ULBP1: variants seen among roughly 807,000 people sequenced by gnomAD.
ULBP1 encodes UL16 binding protein 1.
Under a neutral mutation model 25.3 loss-of-function variants are expected in ULBP1, and 28 were observed. The observed-to-expected ratio is 1.10, with a 90% CI of 0.82 to 1.51. The LOEUF (loss-of-function observed/expected upper bound fraction) is 1.51. ULBP1 is among the 40% of genes most tolerant of loss of function. The pLI, the probability that ULBP1 is intolerant of heterozygous loss-of-function variation, is 0.00. For missense variants in ULBP1, 348 were observed against 290.9 expected (o/e 1.20, Z -1.43); for synonymous variants, 129 against 103.0 (o/e 1.25, Z -1.53).
In ULBP1 at chr6:149,970,045, C is replaced by T. The variant is rs530252244; in HGVS notation, c.655C>T (p.Gln219Ter). 6.8e-6 allele frequency: 11 copies of T among 1,613,508 alleles called. No individual in the cohort carries two copies. In the South Asian group the frequency reaches 1.2e-4, roughly 18 times the overall value. ...ACCCTCTCTGGCCCCAGGCACAACCCAACCCAAGGCCATGGCCACCACCCT... is the reference window on the plus strand; with the variant it reads ...ACCCTCTCTGGCCCCAGGCACAACCTAACCCAAGGCCATGGCCACCACCCT... Reference protein sequence around the residue: ...KPPSLAPGTTQPKAMATTLSP... With the variant: ...KPPSLAPGTT The change falls in exon 4 of 5, where the codon CAA (glutamine) becomes TAA (stop). Residue 219 changes from glutamine (Q) to a stop codon, truncating the protein, a stop_gained. Transcript: ENST00000229708. LOFTEE classifies it high-confidence loss of function.
chr6:149,965,978 C>A (rs1321669306), intron 1 of ULBP1, among the ~76,000 whole-genome samples: 1 of 151,902 alleles, frequency 6.6e-6, no homozygotes, highest in Non-Finnish European at 1.5e-5. Context: ...GCAGGGGGGA[C>A]GGGAAATCCC....
chr6:149,965,088 G>A (rs963994222), intron 1 of ULBP1, among the ~76,000 whole-genome samples: 2 of 147,592 alleles, frequency 1.4e-5, no homozygotes, highest in Non-Finnish European at 3.0e-5. Context: ...CGATCTCCCC[G>A]AATATCGCGG....
At chr6:149,967,617 G>GACC (rs1433096158) in intron 1 of ULBP1, among the ~76,000 whole-genome samples, 2 of 152,084 alleles carry the variant, frequency 1.3e-5, no homozygotes, top group African/African-American at 4.8e-5. Flanking sequence ...TTGGATCCTT[G>GACC]ACCCCTTTGT....
At chr6:149,964,363 T>A (rs1427971529) in intron 1 of ULBP1, among the ~76,000 whole-genome samples, 1 of 149,922 alleles carries the variant, frequency 6.7e-6, no homozygotes, top group Non-Finnish European at 1.5e-5. Context: ...TCCCCGAACA[T>A]CGTGATCTCC....
In ULBP1 at chr6:149,970,071, C is replaced by CA. The variant is rs377502850; in HGVS notation, c.682dup (p.Ser228LysfsTer23). ...AACCCAAGGCCATGGCCACCACCCT[C>CA]AGTCCCTGGAGCCTTCTCATCATCT... On this transcript the variant is annotated frameshift_variant, in exon 4 of 5. Transcript: ENST00000229708. LOFTEE classifies it high-confidence loss of function. 7.4e-4 allele frequency: 1,201 copies of CA among 1,613,526 alleles called. 4 individuals are homozygous for CA. In the African/African-American group the frequency reaches 0.014, roughly 18 times the overall value.
rs1322320559 is a variant in ULBP1, at chr6:149,973,047, T to C, written c.*1701T>C. ...CACCAATATGTTCATTACAGTGCTA[T>C]TCTCACCAGCAAGGACAGAGAATCA... On this transcript the variant is annotated 3_prime_UTR_variant, in exon 5 of 5. Coordinates refer to ENST00000229708, the MANE Select transcript of ULBP1 (RefSeq NM_025218.4). The C allele has an allele frequency of 6.6e-6, 1 of 152,228 alleles. No homozygotes were observed. Among genetic ancestry groups the C allele is most frequent in the Non-Finnish European group, 1.5e-5 (1 of 68,038 alleles). 9.4% of individuals were successfully genotyped at this position (152,228 alleles called of 1,614,324 possible). A position where few individuals can be genotyped will look rare whatever the true frequency, so the allele number is the denominator to read the frequency against.
Position 149,971,425 on chromosome 6 carries a change from C to T in ULBP1, c.*79C>T. On this transcript the variant is annotated 3_prime_UTR_variant, in exon 5 of 5. Coordinates refer to ENST00000229708, the MANE Select transcript of ULBP1 (RefSeq NM_025218.4). ...CCTGGTCTGGGTCCTGCTCTCCCTT[C>T]AGGGAGGCCGCCTGTCTACTCACCA... 3.1e-6 allele frequency: 3 copies of T among 983,480 alleles called. No individual in the cohort carries two copies. The South Asian group carries it at 1.4e-4, about 46-fold the overall frequency. The allele number at this position is 983,480 out of a possible 1,614,324, so 60.9% of individuals were successfully genotyped here. A position where few individuals can be genotyped will look rare whatever the true frequency, so the allele number is the denominator to read the frequency against.
intron 1 of ULBP1, 49 bp downstream of exon 1, chr6:149,964,183 G>A: frequency 1.2e-6 from 2 of 1,603,988 alleles, no homozygotes; most frequent in Non-Finnish European, 8.5e-7. Flanking sequence ...AACCTGGGAG[G>A]TTGTGGACTG....
intron 4 of ULBP1, among the ~76,000 whole-genome samples, chr6:149,970,763 G>C (rs1353764376): frequency 6.6e-6 from 1 of 152,248 alleles, no homozygotes; most frequent in African/African-American, 2.4e-5. Flanking sequence ...GCCAGGCCCT[G>C]GGGCGATGCC....
In ULBP1 at chr6:149,970,951, G is replaced by C. The variant is rs545010745; in HGVS notation, c.*23-418G>C. Among the ~76,000 whole-genome samples, 6 of 152,366 alleles carry C rather than the reference G, an allele frequency of 3.9e-5. No homozygotes were observed. The South Asian group carries it at 1.2e-3, about 32-fold the overall frequency. On this transcript the variant is annotated intron_variant, in intron 4 of 4. Transcript: ENST00000229708. ...AGTCCCATTCAGAGCTATGGGTGCA[G>C]CTCCCAGGGTGAGGAAAGGCTGAGA...
chr6:149,966,774 C>T (rs1779211252), intron 1 of ULBP1, among the ~76,000 whole-genome samples: 1 of 152,144 alleles, frequency 6.6e-6, no homozygotes. Context: ...CACAGGGGCC[C>T]AGGACCACAG....
chr6:149,966,767 A>G (rs1779211169), intron 1 of ULBP1, among the ~76,000 whole-genome samples: 1 of 152,134 alleles, frequency 6.6e-6, no homozygotes, highest in Admixed American at 6.5e-5. Context: ...CCATCTCCAC[A>G]GGGGCCCAGG....
chr6:149,964,824 C>A (rs968530113), intron 1 of ULBP1, among the ~76,000 whole-genome samples: 1 of 126,470 alleles, frequency 7.9e-6, no homozygotes, highest in South Asian at 2.9e-4. Context: ...CCCCCCCGAA[C>A]ATCGCCGTCC....
chr6:149,968,782 G>A lies in ULBP1; in HGVS notation c.261G>A (p.Trp87Ter). The A allele has an allele frequency of 1.2e-6, 2 of 1,614,060 alleles. No homozygotes were observed. Among genetic ancestry groups the A allele is most frequent in the Non-Finnish European group, 1.7e-6 (2 of 1,179,956 alleles). The part of the protein sequence containing the change: ...LGKKVNVTKT[W>*]EEQTETLRDV... ...AGAAAGTCAATGTCACAAAAACCTG[G>A]GAAGAACAAACTGAAACACTAAGAG... Residue 87 changes from tryptophan to a stop codon, truncating the protein, a stop_gained, in exon 2 of 5, where the codon TGG becomes TGA. Coordinates refer to ENST00000229708, the MANE Select transcript of ULBP1 (RefSeq NM_025218.4). LOFTEE classifies it high-confidence loss of function.
intron 1 of ULBP1, among the ~76,000 whole-genome samples, chr6:149,967,823 C>A (rs962443301): frequency 1.3e-5 from 2 of 152,154 alleles, no homozygotes; most frequent in African/African-American, 4.8e-5. Context: ...ACCCCCAACC[C>A]CGGCCTTCAG....
chr6:149,964,224 G>A (rs1434331075), intron 1 of ULBP1, 90 bp downstream of exon 1: 2 of 1,443,272 alleles, frequency 1.4e-6, no homozygotes, highest in African/African-American at 1.4e-5. Context: ...GAGGCTTCTG[G>A]AAGGACCGGC....
intron 4 of ULBP1, among the ~76,000 whole-genome samples, chr6:149,971,131 A>G (rs1582828587): frequency 6.6e-6 from 1 of 152,070 alleles, no homozygotes; most frequent in African/African-American, 2.4e-5. Context: ...ACCCCTCATT[A>G]CCAGCCTCAG....
At position 149,970,157 on chromosome 6, in the gene ULBP1, G is replaced by A. The variant is rs373622113; in HGVS notation, c.*22+10G>A. The A allele has an allele frequency of 2.2e-5, 34 of 1,570,836 alleles. No homozygotes were observed. The highest frequency in any genetic ancestry group is 2.9e-5 in the Non-Finnish European group (34 of 1,157,190). On this transcript the variant is annotated intron_variant, in intron 4 of 4. Transcript: ENST00000229708. ...TTGTTTAGAGTGACAGGTACTGTGG[G>A]CAATATTGGGAGGGGAGCAAGAGGC...
rs1779267398 is a variant in ULBP1, at chr6:149,969,371, G to C, written c.625+11G>C. On this transcript the variant is annotated intron_variant, in intron 3 of 4. Transcript: ENST00000229708. ...TGCTGGATCCAACAAGTAAGTGAGAGGGGGATAAATGGAAGCTGTCTCGAG... is the reference window on the plus strand; with the variant it reads ...TGCTGGATCCAACAAGTAAGTGAGACGGGGATAAATGGAAGCTGTCTCGAG... 3.7e-6 allele frequency: 6 copies of C among 1,610,562 alleles called. No homozygotes were observed. Among genetic ancestry groups the C allele is most frequent in the South Asian group, 1.1e-5 (1 of 90,796 alleles).
Sources: gnomAD v4.1 joint callset for allele counts (sites outside exome capture counted in the v4.1 genomes callset) on GRCh38, gnomAD v4.1.1 for gene constraint, MANE v1.5 for transcripts, NCBI Gene and HGNC (gene_info 2026-07-23, HGNC 2026-07-21) for gene names.